Variants in CTNNA3 observed in about 807,000 individuals in gnomAD.
CTNNA3 encodes the protein catenin alpha-3.
In CTNNA3, 76 loss-of-function variants were observed where a neutral mutation model predicts 95.7. That is an observed-to-expected ratio of 0.79 (90% CI 0.66 to 0.96). The LOEUF is 0.96. Ranked by LOEUF, CTNNA3 falls within the 40% of genes least tolerant of loss-of-function variation. CTNNA3 has a pLI of 0.00. For missense variants in CTNNA3, 1,191 were observed against 1,089.8 expected, an observed-to-expected ratio of 1.09 and a Z score of -1.31; for synonymous variants, 431 against 374.4, an observed-to-expected ratio of 1.15 and a Z score of -1.74.
intron 5 of CTNNA3, among the ~76,000 whole-genome samples, chr10:67,360,199 A>G (rs538391893): frequency 4.6e-5 from 7 of 152,228 alleles, no homozygotes; most frequent in Non-Finnish European, 7.4e-5. Context: ...TGAGATCTTT[A>G]AGGGAGCCCT....
intron 9 of CTNNA3, among the ~76,000 whole-genome samples, chr10:66,734,367 T>A (rs1240495518): frequency 5.3e-5 from 8 of 152,242 alleles, no homozygotes; most frequent in African/African-American, 1.9e-4. Context: ...TATAAAATAA[T>A]AATAATAATG....
At chr10:66,885,569 G>A (rs779006119) in intron 7 of CTNNA3, among the ~76,000 whole-genome samples, 7 of 151,998 alleles carry the variant, frequency 4.6e-5, no homozygotes, top group Non-Finnish European at 1.0e-4. Context: ...GAAACACTGG[G>A]AAGATAATAG....
intron 7 of CTNNA3, among the ~76,000 whole-genome samples, chr10:66,778,478 G>A (rs898894352): frequency 2.6e-5 from 4 of 152,166 alleles, no homozygotes; most frequent in South Asian, 4.2e-4. Context: ...CCTATATCCC[G>A]AGTGCTCAGA....
At position 65,919,481 on chromosome 10, in the gene CTNNA3, A is replaced by T. The variant is rs78975430; in HGVS notation, c.*849T>A. On this transcript the variant is annotated 3_prime_UTR_variant, in exon 18 of 18. Transcript: ENST00000433211. Reference sequence around the variant, plus strand: ...AAAAATAGGGTCATACAGAACTTACACTTCTGTTATTATTAATATAACTCA... The same window carrying T: ...AAAAATAGGGTCATACAGAACTTACTCTTCTGTTATTATTAATATAACTCA... The T allele has an allele frequency of 1.3e-5, 2 of 152,136 alleles. No individual in the cohort carries two copies. The highest frequency in any genetic ancestry group is 2.9e-5 in the Non-Finnish European group (2 of 67,996). 9.4% of individuals were successfully genotyped at this position (152,136 alleles called of 1,614,324 possible).
intron 2 of CTNNA3, among the ~76,000 whole-genome samples, chr10:67,630,644 C>A (rs1839114619): frequency 6.6e-6 from 1 of 151,866 alleles, no homozygotes; most frequent in Admixed American, 6.6e-5. Flanking sequence ...GTGGGAGACA[C>A]TATGGAGGTA....
intron 6 of CTNNA3, among the ~76,000 whole-genome samples, chr10:67,211,034 C>T (rs546301569): frequency 6.6e-6 from 1 of 152,228 alleles, no homozygotes; most frequent in South Asian, 2.1e-4. Flanking sequence ...GCTTTTATTG[C>T]TTGATTTATG....
At chr10:66,387,056 A>G (rs903815215) in intron 11 of CTNNA3, among the ~76,000 whole-genome samples, 4 of 152,178 alleles carry the variant, frequency 2.6e-5, no homozygotes, top group African/African-American at 9.6e-5. Flanking sequence ...CATGACTAAA[A>G]CACCAAACAC....
intron 6 of CTNNA3, among the ~76,000 whole-genome samples, chr10:67,195,506 G>A (rs908029235): frequency 1.6e-5 from 2 of 126,050 alleles, no homozygotes; most frequent in Admixed American, 1.0e-4. Context: ...TTTTAATATC[G>A]GGGGCGGGGG....
At chr10:66,834,291 A>T (rs990150575) in intron 7 of CTNNA3, among the ~76,000 whole-genome samples, 18 of 152,198 alleles carry the variant, frequency 1.2e-4, no homozygotes, top group Non-Finnish European at 1.0e-4. Context: ...TGCTACACAC[A>T]TACATGTGCA....
chr10:66,100,440 A>G (rs2081576115), intron 14 of CTNNA3, among the ~76,000 whole-genome samples: 1 of 152,194 alleles, frequency 6.6e-6, no homozygotes, highest in Admixed American at 6.6e-5. Context: ...GATATTTATA[A>G]GAGCAGAGAG....
intron 6 of CTNNA3, among the ~76,000 whole-genome samples, chr10:67,196,049 A>G (rs921803586): frequency 6.6e-6 from 1 of 152,118 alleles, no homozygotes; most frequent in African/African-American, 2.4e-5. Flanking sequence ...AGCACACAGC[A>G]TAAGTAATGT....
rs543142204 is a variant in CTNNA3, at chr10:67,483,013, A to G, written c.579+38829T>C. Among the ~76,000 whole-genome samples, 5 of 152,296 alleles carry G rather than the reference A, an allele frequency of 3.3e-5. No individual in the cohort carries two copies. The South Asian group carries it at 1.0e-3, about 32-fold the overall frequency. ...TTTATGTAGCCAAAAAACACACGAA[A>G]AAATGCTCACCATCACTGGCCATCA... On this transcript the variant is annotated intron_variant, in intron 5 of 17. Transcript: ENST00000433211.
chr10:66,946,336 T>G (rs1848272536), intron 7 of CTNNA3, among the ~76,000 whole-genome samples: 1 of 152,182 alleles, frequency 6.6e-6, no homozygotes, highest in African/African-American at 2.4e-5. Context: ...GCAGCATAAT[T>G]AAGTTAGCAA....
rs1185155085 is a variant in CTNNA3 at position 66,775,529 on chromosome 10, A to G, written c.1048-5T>C. 1.0e-5 allele frequency: 16 copies of G among 1,597,626 alleles called. No individual in the cohort carries two copies. Among genetic ancestry groups the G allele is most frequent in the Non-Finnish European group, 1.3e-5 (15 of 1,170,454 alleles). On this transcript the variant is annotated splice_region_variant and splice_polypyrimidine_tract_variant and intron_variant, in intron 7 of 17. Transcript: ENST00000433211. Reference sequence around the variant, plus strand: ...ACTCCTTTCTTTTTTTCCAGCCTGCAAAGAAGAAAAAACGACATAAGCAAT... The same window carrying G: ...ACTCCTTTCTTTTTTTCCAGCCTGCGAAGAAGAAAAAACGACATAAGCAAT...
intron 7 of CTNNA3, among the ~76,000 whole-genome samples, chr10:66,837,137 T>C (rs1392371517): frequency 2.0e-5 from 3 of 152,178 alleles, no homozygotes; most frequent in East Asian, 1.9e-4. Context: ...TTCTCTTGCC[T>C]TAAATTTACT....
intron 7 of CTNNA3, among the ~76,000 whole-genome samples, chr10:66,848,832 C>T (rs1204116604): frequency 2.0e-5 from 3 of 152,054 alleles, no homozygotes; most frequent in Non-Finnish European, 4.4e-5. Context: ...GGAAAACCAC[C>T]AAATGTAACT....
At chr10:67,225,923 T>C (rs7086742) in intron 5 of CTNNA3, among the ~76,000 whole-genome samples, 29,131 of 151,998 alleles carry the variant, frequency 0.19, 3,312 homozygotes, top group African/African-American at 0.33. Flanking sequence ...ATTAAGCTAA[T>C]CAGGGAGGGA....
At chr10:66,109,123 A>C (rs6480140) in intron 13 of CTNNA3, among the ~76,000 whole-genome samples, 69,660 of 152,030 alleles carry the variant, frequency 0.46, 17,704 homozygotes, top group African/African-American at 0.69. Flanking sequence ...TAAGCCCAGA[A>C]CAGTGTTTCA....
At chr10:66,962,385 T>G (rs1008596136) in intron 7 of CTNNA3, among the ~76,000 whole-genome samples, 1 of 150,330 alleles carries the variant, frequency 6.7e-6, no homozygotes, top group Admixed American at 6.6e-5. Flanking sequence ...CTCCTCTAAG[T>G]TTTTTTTTGT....
Sources: allele counts gnomAD v4.1 joint callset (sites outside exome capture counted in the v4.1 genomes callset), GRCh38; gene constraint gnomAD v4.1.1; transcripts MANE v1.5; gene names NCBI Gene and HGNC (gene_info 2026-07-23, HGNC 2026-07-21).